RBFOX1: variants seen among roughly 807,000 people sequenced by gnomAD.
The protein encoded by RBFOX1 is RNA binding protein fox-1 homolog 1.
A neutral mutation model predicts 57.7 loss-of-function variants in RBFOX1; 8 were observed. That is an observed-to-expected ratio of 0.14 (90% CI 0.08 to 0.25). The LOEUF is 0.25. RBFOX1 is among the 10% of genes least tolerant of loss of function. The pLI is 1.00. For missense variants in RBFOX1, 611 were observed against 548.5 expected (o/e 1.11, Z -1.14); for synonymous variants, 326 against 222.4 (o/e 1.47, Z -4.15).
At chr16:6,622,230 A>G (rs1220280285) in intron 2 of RBFOX1, among the ~76,000 whole-genome samples, 1 of 152,228 alleles carries the variant, frequency 6.6e-6, no homozygotes, top group Admixed American at 6.5e-5. Context: ...ATAGTTCTGC[A>G]CCACATAATG....
intron 1 of RBFOX1, among the ~76,000 whole-genome samples, chr16:6,257,535 C>G (rs1040544830): frequency 1.5e-4 from 23 of 152,124 alleles, no homozygotes; most frequent in Non-Finnish European, 1.6e-4. Context: ...TTTAAACTTA[C>G]TACCCATTAG....
intron 2 of RBFOX1, among the ~76,000 whole-genome samples, chr16:6,527,598 T>A (rs1024662221): frequency 1.3e-5 from 2 of 152,196 alleles, no homozygotes; most frequent in African/African-American, 4.8e-5. Flanking sequence ...TAAATTGTAA[T>A]TGCATGCACC....
chr16:6,783,516 T>G (rs1301573245), intron 3 of RBFOX1, among the ~76,000 whole-genome samples: 1 of 151,912 alleles, frequency 6.6e-6, no homozygotes, highest in Non-Finnish European at 1.5e-5. Context: ...AGAAAAAACA[T>G]TAAAAAGGAG....
intron 3 of RBFOX1, among the ~76,000 whole-genome samples, chr16:6,927,984 C>G (rs997090742): frequency 1.2e-4 from 18 of 152,180 alleles, no homozygotes; most frequent in South Asian, 2.1e-4. Flanking sequence ...TCCCATTGAG[C>G]TGCTGTTCCG....
At chr16:6,602,557 G>A (rs2097865665) in intron 2 of RBFOX1, among the ~76,000 whole-genome samples, 3 of 152,116 alleles carry the variant, frequency 2.0e-5, no homozygotes, top group Admixed American at 2.0e-4. Context: ...CCACCTGCAG[G>A]ACAGGGTTGT....
chr16:7,231,243 C>A (rs1371515213), intron 4 of RBFOX1, among the ~76,000 whole-genome samples: 1 of 152,132 alleles, frequency 6.6e-6, no homozygotes, highest in Non-Finnish European at 1.5e-5. Context: ...TTTCTGGTAG[C>A]TGGGCAAAGA....
intron 2 of RBFOX1, among the ~76,000 whole-genome samples, chr16:6,622,027 A>C (rs2098240429): frequency 6.6e-6 from 1 of 152,202 alleles, no homozygotes; most frequent in Non-Finnish European, 1.5e-5. Context: ...AAGCCTTTAC[A>C]AGACCTGAGA....
At chr16:6,800,506 T>G (rs560420279) in intron 3 of RBFOX1, among the ~76,000 whole-genome samples, 4 of 152,280 alleles carry the variant, frequency 2.6e-5, no homozygotes, top group African/African-American at 9.6e-5. Flanking sequence ...TCTAATAGGC[T>G]TCCAGGTGAT....
chr16:5,247,434 C>A (rs1483214167), intron 1 of RBFOX1, among the ~76,000 whole-genome samples: 1 of 152,204 alleles, frequency 6.6e-6, no homozygotes, highest in African/African-American at 2.4e-5. Context: ...ACCCTCACAT[C>A]TGTGCACTGG....
chr16:6,037,430 T>C (rs2095379449), intron 1 of RBFOX1: 1 of 152,108 alleles, frequency 6.6e-6, no homozygotes, highest in African/African-American at 2.4e-5. Context: ...CTTAGTAAAC[T>C]TTTGTAATAA....
At chr16:7,011,595 G>T (rs920241792) in intron 3 of RBFOX1, among the ~76,000 whole-genome samples, 5 of 152,066 alleles carry the variant, frequency 3.3e-5, no homozygotes, top group African/African-American at 9.7e-5. Context: ...CTCACTGCAA[G>T]CTCCGCATCC....
At chr16:6,325,301 G>C (rs1038971670) in intron 2 of RBFOX1, among the ~76,000 whole-genome samples, 1 of 152,162 alleles carries the variant, frequency 6.6e-6, no homozygotes, top group African/African-American at 2.4e-5. Flanking sequence ...CAAGGCTGCA[G>C]TGAGTTGATT....
chr16:6,558,846 A>G (rs1226766233), intron 2 of RBFOX1, among the ~76,000 whole-genome samples: 1 of 126,386 alleles, frequency 7.9e-6, no homozygotes, highest in Non-Finnish European at 1.5e-5. Context: ...TTACTTCCCC[A>G]AACATACCCA....
intron 4 of RBFOX1, among the ~76,000 whole-genome samples, chr16:7,053,976 T>G (rs2051019907): frequency 6.6e-6 from 1 of 152,092 alleles, no homozygotes; most frequent in Non-Finnish European, 1.5e-5. Flanking sequence ...AATGGAGTTT[T>G]CCCTTCCCAC....
At chr16:7,454,441 C>G (rs1234637059) in intron 4 of RBFOX1, among the ~76,000 whole-genome samples, 1 of 152,218 alleles carries the variant, frequency 6.6e-6, no homozygotes, top group Non-Finnish European at 1.5e-5. Context: ...TGTTCTAGCC[C>G]TGCAGCTCAC....
intron 4 of RBFOX1, among the ~76,000 whole-genome samples, chr16:5,937,019 C>G (rs1442846205): frequency 1.3e-5 from 2 of 152,120 alleles, no homozygotes; most frequent in African/African-American, 2.4e-5. Flanking sequence ...ATCTCTGAGC[C>G]TTAGTTTTCT....
chr16:6,560,788 G>T (rs1447631628), intron 2 of RBFOX1, among the ~76,000 whole-genome samples: 3 of 152,304 alleles, frequency 2.0e-5, no homozygotes, highest in South Asian at 2.1e-4. Flanking sequence ...TAGACTGTAG[G>T]CCCTAAGAGG....
chr16:5,545,351 A>G (rs1227295701), intron 2 of RBFOX1, among the ~76,000 whole-genome samples: 1 of 152,168 alleles, frequency 6.6e-6, no homozygotes, highest in Admixed American at 6.5e-5. Context: ...TGAAGAGGAA[A>G]GATTATTTTA....
At chr16:6,859,174 T>TACGTATATATATGTGTATATATATAC (rs778753196) in intron 3 of RBFOX1, among the ~76,000 whole-genome samples, 2 of 65,104 alleles carry the variant, frequency 3.1e-5, no homozygotes, top group African/African-American at 1.7e-4. Context: ...CGTATATATA[T>TACGTATATATATGTGTATATATATAC]GTATATATAT....
Sources: gnomAD v4.1 joint callset for allele counts (sites outside exome capture counted in the v4.1 genomes callset) on GRCh38, gnomAD v4.1.1 for gene constraint, MANE v1.5 for transcripts, NCBI Gene and HGNC (gene_info 2026-07-23, HGNC 2026-07-21) for gene names.